EIF3A: variants seen among roughly 807,000 people sequenced by gnomAD.
The protein encoded by EIF3A is eukaryotic translation initiation factor 3 subunit A.
In EIF3A, 21 loss-of-function variants were observed where a neutral mutation model predicts 186.6. That is an observed-to-expected ratio of 0.11 (90% confidence interval 0.08 to 0.16). The LOEUF is 0.16. EIF3A is among the 10% of genes least tolerant of loss of function. EIF3A has a pLI of 1.00. For missense variants in EIF3A, 1,306 were observed against 1,796.3 expected (o/e 0.73, Z 4.93); for synonymous variants, 563 against 584.3 (o/e 0.96, Z 0.52).
In EIF3A at chr10:119,079,129, CTT is replaced by C. The variant is rs561418410; in HGVS notation, c.49+1497_49+1498del. On this transcript the variant is annotated intron_variant, in intron 1 of 21. Coordinates refer to ENST00000369144, the MANE Select transcript of EIF3A (RefSeq NM_003750.4). ...TAGTGACAAAGTTCCATTTCAATCT[CTT>C]CTTTCCGATGTATTAATAAACATCC... 2.0e-5 allele frequency among the ~76,000 whole-genome samples: 3 copies of C among 152,190 alleles called. No individual in the cohort carries two copies. In the South Asian group the frequency reaches 6.2e-4, roughly 31 times the overall value.
intron 17 of EIF3A, among the ~76,000 whole-genome samples, chr10:119,047,284 A>C (rs368520632): frequency 7.7e-4 from 117 of 152,124 alleles, no homozygotes; most frequent in African/African-American, 2.4e-3. Flanking sequence ...CACACACACA[A>C]AAAGAACCTA....
In EIF3A at chr10:119,070,933, T is replaced by C. The variant is rs1355216530; in HGVS notation, c.694A>G (p.Thr232Ala). 1.2e-6 allele frequency: 2 copies of C among 1,613,940 alleles called. No homozygotes were observed. The highest frequency in any genetic ancestry group is 1.7e-6 in the Non-Finnish European group (2 of 1,179,948). Residue 232 changes from threonine to alanine, a missense_variant, in exon 5 of 22, where the codon ACC becomes GCC. Thr to Ala is a moderately conservative substitution (Grantham distance 58). Around this residue, in one of 8 missense-constraint regions of EIF3A, gnomAD observed 267 missense variants for 367.8 expected, o/e 0.73. Coordinates refer to ENST00000369144, the MANE Select transcript of EIF3A (RefSeq NM_003750.4). ...NPESQSMHLETRLVQLDSAIS... is the reference protein window; with the variant it reads ...NPESQSMHLEARLVQLDSAIS... ...GCACTGTCCAGCTGAACAAGTCTGG[T>C]TTCCAAATGCATGGACTGGCTCTCT...
chr10:119,043,514 TG>T (rs1468147803), intron 18 of EIF3A, among the ~76,000 whole-genome samples: 1 of 150,618 alleles, frequency 6.6e-6, no homozygotes, highest in Non-Finnish European at 1.5e-5. Flanking sequence ...CTCAGGAGGC[TG>T]AGGCAGGAGG....
chr10:119,039,857 A>G (rs561211511), intron 19 of EIF3A, among the ~76,000 whole-genome samples: 1 of 152,324 alleles, frequency 6.6e-6, no homozygotes, highest in East Asian at 1.9e-4. Context: ...AAACACATAA[A>G]AGACATTTTA....
chr10:119,042,641 C>T lies in EIF3A; in HGVS notation c.2879G>A (p.Arg960His), dbSNP rs775041698. 5.6e-6 allele frequency: 9 copies of T among 1,614,082 alleles called. No homozygotes were observed. Among genetic ancestry groups the T allele is most frequent in the South Asian group, 1.1e-5 (1 of 91,088 alleles). The part of the protein sequence containing the change: ...LRPDDDRVPR[R>H]GMDDDRGPRR... ...AGGGCCTCTGTCATCATCCATGCCA[C>T]GCCGGGGAACCCGATCATCGTCTGG... Residue 960 changes from arginine to histidine, a missense_variant, in exon 19 of 22, where the codon CGT (arginine) becomes CAT (histidine). Arg to His is a conservative substitution (Grantham distance 29). This residue lies in a region of EIF3A where 410 missense variants were observed against 473.5 expected (regional missense o/e 0.87). Transcript: ENST00000369144. The surrounding 1 kb of genome is among the most constrained non-coding windows in gnomAD (Gnocchi z 7.8).
At chr10:119,055,260 G>C (rs371642200) in intron 14 of EIF3A, among the ~76,000 whole-genome samples, 9 of 151,184 alleles carry the variant, frequency 6.0e-5, no homozygotes, top group African/African-American at 2.2e-4. Flanking sequence ...AAGGGTCAAG[G>C]ACAGGGAGAG....
chr10:119,063,273 G>A (rs950175881), intron 7 of EIF3A, among the ~76,000 whole-genome samples: 1 of 152,024 alleles, frequency 6.6e-6, no homozygotes, highest in South Asian at 2.1e-4. Flanking sequence ...AAAACATGGA[G>A]GAATACAAAG....
chr10:119,036,246 A>G lies in EIF3A; in HGVS notation c.3942T>C (p.Asp1314=), dbSNP rs56089888. ...REEVSSWRRA[D]DRKDDRVEER... is the part of the protein sequence containing the mutation. Reference sequence around the variant, plus strand: ...CTTCCACCCGGTCATCTTTCCTGTCATCAGCACGTCTCCAAGAACTTACTA... The same window carrying G: ...CTTCCACCCGGTCATCTTTCCTGTCGTCAGCACGTCTCCAAGAACTTACTA... Residue 1314 remains aspartate, a synonymous_variant, in exon 22 of 22, where the codon GAT becomes GAC. Coordinates refer to ENST00000369144, the MANE Select transcript of EIF3A (RefSeq NM_003750.4). 3.7e-6 allele frequency: 6 copies of G among 1,613,816 alleles called. No homozygotes were observed. The highest frequency in any genetic ancestry group is 5.1e-6 in the Non-Finnish European group (6 of 1,179,922).
chr10:119,037,460 G>A (rs768936719), intron 20 of EIF3A, 151 bp from the exon 21 acceptor site: 2 of 628,922 alleles, frequency 3.2e-6, no homozygotes, highest in Non-Finnish European at 5.5e-6. Flanking sequence ...CTGGGGCGTG[G>A]AGAACAAATG....
intron 6 of EIF3A, 31 bp from the exon 7 acceptor site, chr10:119,065,601 G>A: frequency 6.7e-7 from 1 of 1,491,112 alleles, no homozygotes; most frequent in Non-Finnish European, 9.3e-7. Context: ...AATCTGTTAG[G>A]TTTGTAAATG....
chr10:119,059,765 G>A, intron 9 of EIF3A, 47 bp from the exon 10 acceptor site: 1 of 1,267,558 alleles, frequency 7.9e-7, no homozygotes, highest in Non-Finnish European at 1.2e-6. Context: ...TGTTTATTCA[G>A]CACTTTTTAT....
chr10:119,036,284 A>G lies in EIF3A; in HGVS notation c.3920-16T>C, dbSNP rs75955170. ...CAAGAACTTACTAAAAAGTTTAATT[A>G]AAAAAAAAAAATTAAGTTAGTACTA... On this transcript the variant is annotated splice_polypyrimidine_tract_variant and intron_variant, in intron 21 of 21. Coordinates refer to ENST00000369144, the MANE Select transcript of EIF3A (RefSeq NM_003750.4). 2.0e-5 allele frequency: 17 copies of G among 855,354 alleles called. No individual in the cohort carries two copies. The African/African-American group carries it at 3.0e-4, about 15-fold the overall frequency. 53.0% of individuals were successfully genotyped at this position (855,354 alleles called of 1,614,324 possible).
chr10:119,071,567 T>C (rs550402719), intron 4 of EIF3A, among the ~76,000 whole-genome samples: 57 of 152,332 alleles, frequency 3.7e-4, no homozygotes, highest in African/African-American at 1.3e-3. Context: ...CTGGACACGT[T>C]AATTTTTTTA....
At chr10:119,060,320 C>T (rs1843865127) in intron 9 of EIF3A, among the ~76,000 whole-genome samples, 2 of 152,126 alleles carry the variant, frequency 1.3e-5, no homozygotes, top group African/African-American at 2.4e-5. Context: ...GCTTTAAATC[C>T]ATAAACCCTA....
At chr10:119,061,552 G>A (rs1283935662) in intron 7 of EIF3A, among the ~76,000 whole-genome samples, 1 of 151,942 alleles carries the variant, frequency 6.6e-6, no homozygotes, top group Non-Finnish European at 1.5e-5. Context: ...CCACAAGTAT[G>A]TAAAAAGGAA....
intron 14 of EIF3A, among the ~76,000 whole-genome samples, chr10:119,053,506 G>A (rs923599781): frequency 2.0e-5 from 3 of 147,358 alleles, no homozygotes; most frequent in Non-Finnish European, 3.0e-5. Flanking sequence ...GACTTCAGGA[G>A]TTTGAGACCA....
At position 119,059,599 on chromosome 10, in the gene EIF3A, T is replaced by C; in HGVS notation, c.1443+3A>G. ...CTCCTGTCTCCTTACAGCACATACC[T>C]ACCTGCAAGTCGCAATGCCTGGCTG... is the stretch of plus-strand genomic sequence containing the variant. On this transcript the variant is annotated splice_donor_region_variant and intron_variant, in intron 10 of 21. Transcript: ENST00000369144. 2 of 1,608,024 alleles carry C rather than the reference T, an allele frequency of 1.2e-6. No homozygotes were observed. The highest frequency in any genetic ancestry group is 1.7e-4 in the Middle Eastern group (1 of 6,048).
intron 12 of EIF3A, among the ~76,000 whole-genome samples, chr10:119,057,593 G>A (rs1843804743): frequency 1.3e-5 from 2 of 152,108 alleles, no homozygotes; most frequent in Admixed American, 6.5e-5. Context: ...TGGCCAACAT[G>A]GTGAAACCCT....
intron 7 of EIF3A, among the ~76,000 whole-genome samples, chr10:119,064,064 G>A (rs1034350617): frequency 2.0e-5 from 3 of 152,132 alleles, no homozygotes; most frequent in Non-Finnish European, 4.4e-5. Context: ...GAGCAACAGA[G>A]CTAGACCCTG....
Sources: gnomAD v4.1 joint callset for allele counts (sites outside exome capture counted in the v4.1 genomes callset) on GRCh38, gnomAD v4.1.1 for gene constraint, gnomAD v4.1.1 regional missense constraint, Gnocchi (gnomAD v3.1) non-coding constraint, MANE v1.5 for transcripts, NCBI Gene and HGNC (gene_info 2026-07-23, HGNC 2026-07-21) for gene names.